The following TUSC3 variants were observed in gnomAD, a reference collection of about 807,000 sequenced individuals.
The protein encoded by TUSC3 is dolichyl-diphosphooligosaccharide--protein glycosyltransferase subunit TUSC3.
In TUSC3, 45 loss-of-function variants were observed where a neutral mutation model predicts 44.8. That is an observed-to-expected ratio of 1.00 (90% confidence interval 0.79 to 1.29). The LOEUF (loss-of-function observed/expected upper bound fraction) is 1.29. Among genes scored for constraint, TUSC3 ranks in the 50% most tolerant of loss-of-function variants. The pLI, the probability that TUSC3 is intolerant of heterozygous loss-of-function variation, is 0.00. For missense variants in TUSC3, 519 were observed against 437.9 expected (o/e 1.19, Z -1.65); for synonymous variants, 212 against 152.9 (o/e 1.39, Z -2.85).
downstream of TUSC3, among the ~76,000 whole-genome samples, chr8:15,771,497 G>A (rs949075453): frequency 9.1e-5 from 13 of 142,768 alleles, no homozygotes; most frequent in Non-Finnish European, 1.7e-4. Context: ...AAATATAAAG[G>A]CATTATTTTT....
intron 1 of TUSC3, among the ~76,000 whole-genome samples, chr8:15,461,252 G>A (rs185135424): frequency 2.5e-4 from 38 of 151,968 alleles, no homozygotes; most frequent in African/African-American, 8.4e-4. Context: ...CCTTGTTTAG[G>A]TATATTCCTA....
the TUSC3 span, among the ~76,000 whole-genome samples, chr8:15,791,842 C>G: frequency 6.6e-6 from 1 of 152,144 alleles, no homozygotes; most frequent in Non-Finnish European, 1.5e-5. Context: ...ACCACTCCAG[C>G]TCATCAACTG....
intron 1 of TUSC3, among the ~76,000 whole-genome samples, chr8:15,549,820 T>C (rs1266737958): frequency 2.0e-5 from 3 of 151,588 alleles, no homozygotes; most frequent in African/African-American, 7.3e-5. Flanking sequence ...TGAATCAAGG[T>C]TGAATACTAC....
At chr8:15,429,048 C>T (rs183374099) in intron 1 of TUSC3, among the ~76,000 whole-genome samples, 32 of 152,236 alleles carry the variant, frequency 2.1e-4, no homozygotes, top group African/African-American at 7.2e-4. Flanking sequence ...CTTGCCCATG[C>T]CTATGTCCTG....
At chr8:15,797,588 A>G in the TUSC3 span, among the ~76,000 whole-genome samples, 1 of 152,198 alleles carries the variant, frequency 6.6e-6, no homozygotes, top group Admixed American at 6.6e-5. Context: ...TAGGAAAAAC[A>G]TTGGAAATTA....
At chr8:15,775,432 A>C in the TUSC3 span, among the ~76,000 whole-genome samples, 2 of 152,034 alleles carry the variant, frequency 1.3e-5, no homozygotes, top group Admixed American at 1.3e-4. Flanking sequence ...ATACGTATTA[A>C]GTTTAAAATG....
intron 1 of TUSC3, among the ~76,000 whole-genome samples, chr8:15,427,745 A>C (rs1799822097): frequency 6.6e-6 from 1 of 152,158 alleles, no homozygotes; most frequent in Admixed American, 6.5e-5. Context: ...CATATGGGTA[A>C]CTACCACTGC....
chr8:15,531,146 G>A (rs1018992287), intron 2 of TUSC3, among the ~76,000 whole-genome samples: 2 of 152,208 alleles, frequency 1.3e-5, no homozygotes, highest in African/African-American at 4.8e-5. Context: ...GTTGCCAGAA[G>A]TAGGCCAACA....
chr8:15,820,581 G>A, the TUSC3 span, among the ~76,000 whole-genome samples: 125 of 152,192 alleles, frequency 8.2e-4, no homozygotes, highest in Admixed American at 6.5e-4. Context: ...GCCTCCCAAC[G>A]TGCTGGGATT....
intron 1 of TUSC3, among the ~76,000 whole-genome samples, chr8:15,569,968 A>G (rs552772480): frequency 3.5e-4 from 54 of 152,242 alleles, no homozygotes; most frequent in African/African-American, 1.2e-3. Flanking sequence ...TTAAGAGGCA[A>G]TTCATTTTCT....
intron 2 of TUSC3, among the ~76,000 whole-genome samples, chr8:15,509,231 T>C (rs1194640442): frequency 6.6e-6 from 1 of 152,238 alleles, no homozygotes; most frequent in Non-Finnish European, 1.5e-5. Context: ...TTCTTCTTTC[T>C]TGATGCTCTT....
intron 6 of TUSC3, 70 bp downstream of exon 6, chr8:15,673,906 T>G: frequency 1.6e-6 from 2 of 1,274,658 alleles, no homozygotes; most frequent in Non-Finnish European, 2.3e-6. Flanking sequence ...AGAAATTATG[T>G]TTAGTATTTA....
At chr8:15,676,458 C>G (rs10110729) in intron 6 of TUSC3, among the ~76,000 whole-genome samples, 77,109 of 151,908 alleles carry the variant, frequency 0.51, 19,685 homozygotes, top group African/African-American at 0.52. Context: ...TTTGCTGTGC[C>G]AAAGCCTTTT....
chr8:15,783,854 A>G, the TUSC3 span, among the ~76,000 whole-genome samples: 1 of 152,164 alleles, frequency 6.6e-6, no homozygotes, highest in African/African-American at 2.4e-5. Context: ...AAATCTGCAA[A>G]TGGGATTACG....
At chr8:15,694,905 AG>A in intron 6 of TUSC3, among the ~76,000 whole-genome samples, 1 of 152,124 alleles carries the variant, frequency 6.6e-6, no homozygotes, top group East Asian at 1.9e-4. Context: ...CACTTACGCC[AG>A]CAGCAGCAGC....
chr8:15,843,587 G>C, the TUSC3 span, among the ~76,000 whole-genome samples: 1 of 120,222 alleles, frequency 8.3e-6, no homozygotes, highest in Non-Finnish European at 1.6e-5. Flanking sequence ...AACACAACTT[G>C]ATGTACATAT....
intron 6 of TUSC3, among the ~76,000 whole-genome samples, chr8:15,699,582 C>T (rs191029295): frequency 3.9e-5 from 6 of 152,240 alleles, no homozygotes; most frequent in Admixed American, 2.0e-4. Flanking sequence ...AAACTTATTT[C>T]CTTATTAAAT....
chr8:15,781,890 C>T, the TUSC3 span, among the ~76,000 whole-genome samples: 49,612 of 152,080 alleles, frequency 0.33, 8,281 homozygotes, highest in African/African-American at 0.41. Context: ...CCAAGCACTT[C>T]AGGAGGCCAG....
At chr8:15,632,981 T>C (rs1303284293) in intron 2 of TUSC3, among the ~76,000 whole-genome samples, 1 of 152,166 alleles carries the variant, frequency 6.6e-6, no homozygotes, top group Non-Finnish European at 1.5e-5. Flanking sequence ...TTCCTCTTCG[T>C]AGGAAATGAT....
Sources: gnomAD v4.1 joint callset for allele counts (sites outside exome capture counted in the v4.1 genomes callset) on GRCh38, gnomAD v4.1.1 for gene constraint, MANE v1.5 for transcripts, NCBI Gene and HGNC (gene_info 2026-07-23, HGNC 2026-07-21) for gene names.